The following AIG1 variants were observed in gnomAD, a reference collection of about 807,000 sequenced individuals.
AIG1 encodes androgen-induced gene 1 protein.
Under a neutral mutation model 31.4 loss-of-function variants are expected in AIG1, and 23 were observed. The observed-to-expected ratio is 0.73, with a 90% confidence interval of 0.53 to 1.04. The LOEUF (loss-of-function observed/expected upper bound fraction) is 1.04, where lower values mean the gene tolerates loss of function less well. Among genes scored for constraint, AIG1 ranks in the 50% least tolerant of loss-of-function variants. The pLI is 0.00. For missense variants in AIG1, 274 were observed against 295.0 expected (o/e 0.93, Z 0.52); for synonymous variants, 100 against 110.5 (o/e 0.90, Z 0.60).
Position 143,292,861 on chromosome 6 carries a change from G to T in AIG1, c.515+8636G>T, listed in dbSNP as rs908883650. 1.3e-5 allele frequency among the ~76,000 whole-genome samples: 2 copies of T among 152,110 alleles called. No homozygotes were observed. Among genetic ancestry groups the T allele is most frequent in the South Asian group, 2.1e-4 (1 of 4,818 alleles). ...GTGGCCATTGTTGTTCTGTTTATAC[G>T]CTAGGAATACTCCATCCTAAGAGAG... On this transcript the variant is annotated intron_variant, in intron 4 of 5. Coordinates refer to ENST00000357847, the MANE Select transcript of AIG1 (RefSeq NM_016108.4). The surrounding 1 kb of genome is among the most constrained non-coding windows in gnomAD (Gnocchi z 4.9).
intron 3 of AIG1, among the ~76,000 whole-genome samples, chr6:143,246,066 C>G (rs138712086): frequency 6.6e-6 from 1 of 152,104 alleles, no homozygotes; most frequent in Non-Finnish European, 1.5e-5. Flanking sequence ...TTTAGAAATT[C>G]GCTTTGGGTC....
At chr6:143,064,404 A>G (rs1211781390) in intron 1 of AIG1, among the ~76,000 whole-genome samples, 2 of 152,208 alleles carry the variant, frequency 1.3e-5, no homozygotes, top group East Asian at 1.9e-4. Flanking sequence ...AGAGGTGTCT[A>G]GAAGCTGGAG....
At chr6:143,060,365 G>A (rs900149099), upstream of AIG1, 1 of 172,852 alleles carries the variant, frequency 5.8e-6, no homozygotes, top group Non-Finnish European at 1.3e-5. Context: ...GGATCCCTCC[G>A]CACGGGGCAC....
rs1798146386 is a variant in AIG1, at chr6:143,292,794, A to G, written c.515+8569A>G. Among the ~76,000 whole-genome samples the G allele has an allele frequency of 1.3e-5, 2 of 152,328 alleles. No individual in the cohort carries two copies. Among genetic ancestry groups the G allele is most frequent in the Admixed American group, 1.3e-4 (2 of 15,308 alleles). ...CAGGATTGCCGTGAGCATCAGAAAAATGGGTATACAATGTCCAGCACCTAA... is the reference window on the plus strand; with the variant it reads ...CAGGATTGCCGTGAGCATCAGAAAAGTGGGTATACAATGTCCAGCACCTAA... On this transcript the variant is annotated intron_variant, in intron 4 of 5. Coordinates refer to ENST00000357847, the MANE Select transcript of AIG1 (RefSeq NM_016108.4). The surrounding 1 kb of genome is among the most constrained non-coding windows in gnomAD (Gnocchi z 4.9).
At chr6:143,207,588 C>G (rs1481093578) in intron 3 of AIG1, among the ~76,000 whole-genome samples, 1 of 151,976 alleles carries the variant, frequency 6.6e-6, no homozygotes, top group Admixed American at 6.6e-5. Flanking sequence ...GTGTCATCAG[C>G]TATATCCTCA....
At chr6:143,271,501 G>A (rs987714535) in intron 3 of AIG1, among the ~76,000 whole-genome samples, 1 of 152,236 alleles carries the variant, frequency 6.6e-6, no homozygotes, top group Admixed American at 6.5e-5. Flanking sequence ...GCTAGTAGAC[G>A]TTTGCCAATC....
rs544425512 is a variant in AIG1, at chr6:143,284,028, G to A, written c.400-82G>A. 1.1e-6 allele frequency: 1 copy of A among 951,060 alleles called. No individual in the cohort carries two copies. The highest frequency in any genetic ancestry group is 1.6e-5 in the African/African-American group (1 of 61,584). 58.9% of individuals were successfully genotyped at this position (951,060 alleles called of 1,614,324 possible). On this transcript the variant is annotated intron_variant, in intron 3 of 5. Coordinates refer to ENST00000357847, the MANE Select transcript of AIG1 (RefSeq NM_016108.4). This position sits in a 1 kb window ranked among gnomAD's most constrained non-coding sequence, Gnocchi z 4.4. ...TGACACTTTCCTAGGAATTTATAGT[G>A]TGCATTCTCCTACTGGTGAAAAAAC...
chr6:143,272,694 C>T lies in AIG1; in HGVS notation c.400-11416C>T, dbSNP rs551787395. 3.3e-5 allele frequency among the ~76,000 whole-genome samples: 5 copies of T among 152,286 alleles called. No homozygotes were observed. The South Asian group carries it at 8.3e-4, about 25-fold the overall frequency. The stretch of plus-strand genomic sequence containing the variant: ...CAGTCAGAAAGAAGATGAACAAAGA[C>T]GTGAAAGTTTGAGGTCTTTTAATGG... On this transcript the variant is annotated intron_variant, in intron 3 of 5. Transcript: ENST00000357847.
rs1228862858 is a variant in AIG1 at position 143,340,036 on chromosome 6, A to G, written c.*360A>G. ...TGCACTTCTTTTTGAGAAATATGTT[A>G]AAGTCAAAGGGGCATATATAGAGTA... On this transcript the variant is annotated 3_prime_UTR_variant, in exon 6 of 6. Coordinates refer to ENST00000357847, the MANE Select transcript of AIG1 (RefSeq NM_016108.4). The G allele has an allele frequency of 5.3e-6, 1 of 188,768 alleles. No individual in the cohort carries two copies. Among genetic ancestry groups the G allele is most frequent in the African/African-American group, 2.4e-5 (1 of 42,002 alleles). 11.7% of individuals were successfully genotyped at this position (188,768 alleles called of 1,614,324 possible).
intron 2 of AIG1, among the ~76,000 whole-genome samples, chr6:143,137,756 C>T (rs963056530): frequency 6.6e-6 from 1 of 152,148 alleles, no homozygotes; most frequent in Admixed American, 6.5e-5. Flanking sequence ...CCCTCAGAGA[C>T]CCTACAGATT....
intron 4 of AIG1, among the ~76,000 whole-genome samples, chr6:143,285,134 A>G (rs556045383): frequency 6.6e-6 from 1 of 152,060 alleles, no homozygotes; most frequent in South Asian, 2.1e-4. Flanking sequence ...GGGAGGCCCT[A>G]TCTCCATGGA....
chr6:143,282,901 T>C (rs1055147575), intron 3 of AIG1, among the ~76,000 whole-genome samples: 1 of 152,244 alleles, frequency 6.6e-6, no homozygotes, highest in Non-Finnish European at 1.5e-5. Context: ...TTGAAAATCA[T>C]AATATTCAAT....
At chr6:143,203,053 A>G (rs542364523) in intron 3 of AIG1, among the ~76,000 whole-genome samples, 2 of 152,324 alleles carry the variant, frequency 1.3e-5, no homozygotes, top group East Asian at 3.9e-4. Flanking sequence ...AATGAACCAG[A>G]TACCTCCCCT....
chr6:143,314,627 G>A (rs1343193069), intron 4 of AIG1, among the ~76,000 whole-genome samples: 2 of 152,052 alleles, frequency 1.3e-5, no homozygotes, highest in Non-Finnish European at 2.9e-5. Context: ...GGATCTATAT[G>A]CAATAAACTA....
At chr6:143,343,768 G>T (rs975675702), downstream of AIG1, among the ~76,000 whole-genome samples, 1 of 152,078 alleles carries the variant, frequency 6.6e-6, no homozygotes, top group Admixed American at 6.5e-5. Flanking sequence ...GTACAGGTTT[G>T]TTATATAGGT....
chr6:143,108,442 T>C (rs953308352), intron 1 of AIG1, among the ~76,000 whole-genome samples: 2 of 152,116 alleles, frequency 1.3e-5, no homozygotes, highest in Non-Finnish European at 2.9e-5. Context: ...ACAAGCGAAA[T>C]AGAATGCCTT....
chr6:143,143,021 G>A (rs558738272), intron 2 of AIG1, among the ~76,000 whole-genome samples: 5 of 152,112 alleles, frequency 3.3e-5, no homozygotes, highest in African/African-American at 7.2e-5. Flanking sequence ...CTTAAAAATC[G>A]CAGTTTCATT....
intron 3 of AIG1, among the ~76,000 whole-genome samples, chr6:143,181,166 G>GA (rs886129780): frequency 2.4e-4 from 37 of 151,770 alleles, no homozygotes; most frequent in Non-Finnish European, 1.2e-4. Flanking sequence ...TATTTCATAT[G>GA]AAAAAAAACT....
chr6:143,149,546 AAAAAAAAAAAAG>A (rs1785010611), intron 2 of AIG1, among the ~76,000 whole-genome samples: 2 of 151,370 alleles, frequency 1.3e-5, no homozygotes, highest in South Asian at 4.2e-4. Flanking sequence ...AAAAAAAAAA[AAAAAAAAAAAAG>A]AAAGAAAATA....
Sources: allele counts gnomAD v4.1 joint callset (sites outside exome capture counted in the v4.1 genomes callset), GRCh38; gene constraint gnomAD v4.1.1; non-coding constraint Gnocchi (gnomAD v3.1); transcripts MANE v1.5; gene names NCBI Gene and HGNC (gene_info 2026-07-23, HGNC 2026-07-21).